ZNF519: variants seen among roughly 807,000 people sequenced by gnomAD.
ZNF519 encodes similar to Zinc finger protein 85 (Zinc finger protein HPF4) (HTF1).
A neutral mutation model predicts 7.4 loss-of-function variants in ZNF519; 7 were observed. That is an observed-to-expected ratio of 0.94 (90% CI 0.54 to 1.77). The LOEUF (loss-of-function observed/expected upper bound fraction) is 1.77, where lower values mean the gene tolerates loss of function less well. ZNF519 is among the 40% of genes most tolerant of loss of function. The probability of loss-of-function intolerance (pLI) is 0.00; values close to 1 mark genes in which losing one functional copy is unlikely to be tolerated. For missense variants in ZNF519, 586 were observed against 623.1 expected (o/e 0.94, Z 0.63); for synonymous variants, 179 against 203.3 (o/e 0.88, Z 1.02).
intron 1 of ZNF519, among the ~76,000 whole-genome samples, chr18:14,128,117 G>C (rs568164668): frequency 1.2e-4 from 18 of 151,600 alleles, no homozygotes; most frequent in South Asian, 6.3e-4. Context: ...GTGAAACCCC[G>C]TCTCTACTAA....
chr18:14,105,659 C>T lies in ZNF519; in HGVS notation c.881G>A (p.Cys294Tyr). ...GTTAAAGGCTTTGTCACATTTTTTA[C>T]ATTTGTAAGGTTTCTCTCCAGTATG... ...KIHTGEKPYK[C>Y]KKCDKAFNKS... Residue 294 changes from cysteine (C) to tyrosine (Y), a missense_variant, in exon 3 of 3, where the codon TGT (cysteine) becomes TAT (tyrosine). Transcript: ENST00000590202. The T allele has an allele frequency of 6.2e-7, 1 of 1,613,336 alleles. No homozygotes were observed. Among genetic ancestry groups the T allele is most frequent in the Non-Finnish European group, 8.5e-7 (1 of 1,179,842 alleles).
intron 3 of ZNF519, chr18:14,082,203 A>G (rs567805836): frequency 6.6e-6 from 1 of 152,292 alleles, no homozygotes; most frequent in South Asian, 2.1e-4. Context: ...TATTAGTTAA[A>G]TCAAAAGATT....
chr18:14,103,449 G>A lies in ZNF519; in HGVS notation c.*1468C>T, dbSNP rs983122270. ...AATTAAAAATACTCCTAATTAATGT[G>A]TTAAAGAAAAAATGAAACTGGAAAA... is the stretch of plus-strand genomic sequence containing the variant. On this transcript the variant is annotated 3_prime_UTR_variant, in exon 3 of 3. Coordinates refer to ENST00000590202, the MANE Select transcript of ZNF519 (RefSeq NM_145287.4). The A allele has an allele frequency of 6.6e-6, 1 of 151,956 alleles. No individual in the cohort carries two copies. Among genetic ancestry groups the A allele is most frequent in the African/African-American group, 2.4e-5 (1 of 41,370 alleles). 9.4% of individuals were successfully genotyped at this position (151,956 alleles called of 1,614,324 possible).
intron 1 of ZNF519, among the ~76,000 whole-genome samples, chr18:14,128,392 T>C (rs563665445): frequency 1.3e-5 from 2 of 152,256 alleles, no homozygotes; most frequent in Admixed American, 1.3e-4. Flanking sequence ...ACAGGCAATA[T>C]ACTAAGAGAT....
chr18:14,084,698 C>T (rs1324136747), intron 3 of ZNF519, among the ~76,000 whole-genome samples: 2 of 152,168 alleles, frequency 1.3e-5, no homozygotes, highest in African/African-American at 2.4e-5. Flanking sequence ...GCTCCCCTCT[C>T]AAGGCCTGGT....
At chr18:14,120,443 G>C (rs2046265103) in intron 2 of ZNF519, among the ~76,000 whole-genome samples, 1 of 152,070 alleles carries the variant, frequency 6.6e-6, no homozygotes, top group Non-Finnish European at 1.5e-5. Context: ...TAAAACTCCT[G>C]AAGAAAACAT....
At chr18:14,072,595 T>A (rs939707706), downstream of ZNF519, 4 of 152,052 alleles carry the variant, frequency 2.6e-5, no homozygotes, top group Non-Finnish European at 5.9e-5. Flanking sequence ...GTGTGAGCCT[T>A]ATTGATTGAC....
downstream of ZNF519, among the ~76,000 whole-genome samples, chr18:14,095,405 T>C (rs2046131959): frequency 6.6e-6 from 1 of 152,198 alleles, no homozygotes; most frequent in African/African-American, 2.4e-5. Context: ...TCAGTGCTCC[T>C]TAGTTGAGGA....
chr18:14,115,835 G>C (rs2046243596), intron 2 of ZNF519, among the ~76,000 whole-genome samples: 1 of 152,168 alleles, frequency 6.6e-6, no homozygotes. Context: ...ACTTATGTAA[G>C]ATACCTAAAG....
At chr18:14,126,943 C>A (rs2046302136) in intron 1 of ZNF519, among the ~76,000 whole-genome samples, 1 of 152,170 alleles carries the variant, frequency 6.6e-6, no homozygotes, top group Non-Finnish European at 1.5e-5. Context: ...GATCCTGAGA[C>A]AGGAGACACT....
chr18:14,096,005 TG>T (rs1408474456), downstream of ZNF519, among the ~76,000 whole-genome samples: 1 of 152,216 alleles, frequency 6.6e-6, no homozygotes, highest in African/African-American at 2.4e-5. Context: ...TGGTGTGAGC[TG>T]GAACACAAGA....
chr18:14,083,036 A>T (rs1249847050), intron 3 of ZNF519: 1 of 152,272 alleles, frequency 6.6e-6, no homozygotes, highest in East Asian at 1.9e-4. Flanking sequence ...AATTGCATAC[A>T]TACAAAATTT....
At position 14,104,755 on chromosome 18, in the gene ZNF519, T is replaced by C. The variant is rs531805117; in HGVS notation, c.*162A>G. The stretch of plus-strand genomic sequence containing the variant: ...ATTTACGGAAGTGCTAGCACCTTAG[T>C]TCTTTCTAAAGTGACACTTCTAATT... On this transcript the variant is annotated 3_prime_UTR_variant, in exon 3 of 3. Transcript: ENST00000590202. 94 of 727,072 alleles carry C rather than the reference T, an allele frequency of 1.3e-4. 1 individual carries two copies. In the East Asian group the frequency reaches 2.5e-3, roughly 19 times the overall value. The allele number at this position is 727,072 out of a possible 1,614,324, so 45.0% of individuals were successfully genotyped here. A position where few individuals can be genotyped will look rare whatever the true frequency, so the allele number is the denominator to read the frequency against.
chr18:14,123,591 T>C (rs959307819), intron 2 of ZNF519, among the ~76,000 whole-genome samples: 3 of 151,854 alleles, frequency 2.0e-5, no homozygotes, highest in Non-Finnish European at 4.4e-5. Flanking sequence ...TGGTGGTGCA[T>C]GTCTGTAGTC....
chr18:14,102,831 G>T lies in ZNF519; in HGVS notation c.*2086C>A, dbSNP rs1266161710. The T allele has an allele frequency of 6.6e-6, 1 of 151,810 alleles. No homozygotes were observed. The highest frequency in any genetic ancestry group is 1.5e-5 in the Non-Finnish European group (1 of 67,944). The allele number at this position is 151,810 out of a possible 1,614,324, so 9.4% of individuals were successfully genotyped here. A position where few individuals can be genotyped will look rare whatever the true frequency, so the allele number is the denominator to read the frequency against. On this transcript the variant is annotated 3_prime_UTR_variant, in exon 3 of 3. Coordinates refer to ENST00000590202, the MANE Select transcript of ZNF519 (RefSeq NM_145287.4). Reference sequence around the variant, plus strand: ...ATTGGGGGAAAAAAGCTATATAGTGGTAATATTTTATATCTCATTGGAATT... The same window carrying T: ...ATTGGGGGAAAAAAGCTATATAGTGTTAATATTTTATATCTCATTGGAATT...
intron 2 of ZNF519, among the ~76,000 whole-genome samples, chr18:14,112,086 T>C (rs1308450763): frequency 6.6e-6 from 1 of 152,106 alleles, no homozygotes; most frequent in Non-Finnish European, 1.5e-5. Flanking sequence ...ATAAAAATAC[T>C]GGCAAGTAAA....
chr18:14,094,592 A>G (rs1021563923), intron 2 of ZNF519, among the ~76,000 whole-genome samples: 9 of 152,210 alleles, frequency 5.9e-5, no homozygotes, highest in African/African-American at 1.7e-4. Context: ...ATCAACTTGC[A>G]TATGTAAAGC....
intron 1 of ZNF519, among the ~76,000 whole-genome samples, chr18:14,125,875 G>A (rs1398740007): frequency 9.9e-5 from 15 of 151,968 alleles, no homozygotes; most frequent in Admixed American, 2.6e-4. Flanking sequence ...TAGTACAGCC[G>A]GGGTTTCATC....
downstream of ZNF519, among the ~76,000 whole-genome samples, chr18:14,095,002 C>T (rs1359514183): frequency 2.6e-5 from 4 of 152,088 alleles, no homozygotes; most frequent in Non-Finnish European, 2.9e-5. Flanking sequence ...GAATTATGTC[C>T]GTAAGATTAT....
Sources: allele counts gnomAD v4.1 joint callset (sites outside exome capture counted in the v4.1 genomes callset), GRCh38; gene constraint gnomAD v4.1.1; transcripts MANE v1.5; gene names NCBI Gene and HGNC (gene_info 2026-07-23, HGNC 2026-07-21).